Variants in DNAH6 observed in about 807,000 individuals in gnomAD.
DNAH6 encodes dynein axonemal heavy chain 6, also known as axonemal beta dynein heavy chain 6.
In DNAH6, 340 loss-of-function variants were observed where a neutral mutation model predicts 491.4. The ratio of observed to expected loss-of-function variants is 0.69; its 90% CI spans 0.63 to 0.76. DNAH6 has a LOEUF of 0.76. DNAH6 is among the 30% of genes least tolerant of loss of function. The pLI is 0.00. For synonymous variants in DNAH6, 1,603 were observed against 1,686.1 expected (o/e 0.95, Z 1.21); for missense variants, 4,443 against 4,972.2 (o/e 0.89, Z 3.20).
intron 33 of DNAH6, among the ~76,000 whole-genome samples, chr2:84,646,081 G>T (rs555912475): frequency 1.3e-5 from 2 of 152,248 alleles, no homozygotes; most frequent in South Asian, 4.1e-4. Flanking sequence ...AGTAGCTTGT[G>T]TTCACCATGT....
intron 17 of DNAH6, 76 bp from the exon 18 acceptor site, chr2:84,595,570 A>G (rs1684499373): frequency 1.5e-6 from 2 of 1,320,500 alleles, no homozygotes; most frequent in Admixed American, 2.9e-5. Flanking sequence ...AACTTTTAAA[A>G]GTTTTTTTAG....
chr2:84,527,310 G>A (rs1676694682), intron 3 of DNAH6, among the ~76,000 whole-genome samples: 1 of 152,016 alleles, frequency 6.6e-6, no homozygotes, highest in Non-Finnish European at 1.5e-5. Context: ...CTGAACCTAT[G>A]TTACTGCTGA....
At chr2:84,548,928 G>A (rs1679061988) in intron 8 of DNAH6, among the ~76,000 whole-genome samples, 1 of 152,328 alleles carries the variant, frequency 6.6e-6, no homozygotes. Context: ...CCTCAAGTGG[G>A]CCTGAAGGAC....
chr2:84,812,247 C>T (rs1345940346), intron 72 of DNAH6, 94 bp from the exon 73 acceptor site: 5 of 1,186,048 alleles, frequency 4.2e-6, no homozygotes, highest in Non-Finnish European at 5.9e-6. Context: ...ACTGGCGCCT[C>T]CAGGCAAGGC....
At position 84,704,158 on chromosome 2, in the gene DNAH6, ACGAG is replaced by A; in HGVS notation, c.8322_8325del (p.Asp2774GlufsTer6). ...GCTGATGATGCTCAAAGAGATCTTG[ACGAG>A]GCACTACCTGCACTAGATGCTGCCA... On this transcript the variant is annotated frameshift_variant, in exon 51 of 77. Transcript: ENST00000389394. LOFTEE classifies it high-confidence loss of function. 1 of 1,551,930 alleles carries A rather than the reference ACGAG, an allele frequency of 6.4e-7. No homozygotes were observed. Among genetic ancestry groups the A allele is most frequent in the Non-Finnish European group, 8.7e-7 (1 of 1,147,034 alleles).
At chr2:84,816,715 A>C (rs1680520717) in intron 76 of DNAH6, among the ~76,000 whole-genome samples, 1 of 152,020 alleles carries the variant, frequency 6.6e-6, no homozygotes, top group African/African-American at 2.4e-5. Context: ...AAGAGCGAAA[A>C]CTCCATCATA....
chr2:84,530,906 A>C (rs564281445), intron 4 of DNAH6, among the ~76,000 whole-genome samples: 2 of 152,278 alleles, frequency 1.3e-5, no homozygotes, highest in African/African-American at 4.8e-5. Flanking sequence ...TTCTCAGTTA[A>C]TTTAGAAAGC....
chr2:84,548,430 T>C lies in DNAH6; in HGVS notation c.1316+13T>C. ...TGAGGCTGACGTGGTAAGATTATTC[T>C]CATTTTCAAGAAAAATTGTAGTACC... On this transcript the variant is annotated intron_variant, in intron 8 of 76. Coordinates refer to ENST00000389394, the MANE Select transcript of DNAH6 (RefSeq NM_001370.2). The C allele has an allele frequency of 6.2e-7, 1 of 1,612,926 alleles. No homozygotes were observed. Among genetic ancestry groups the C allele is most frequent in the Non-Finnish European group, 8.5e-7 (1 of 1,179,738 alleles).
intron 35 of DNAH6, among the ~76,000 whole-genome samples, chr2:84,658,022 T>C (rs892697405): frequency 1.3e-5 from 2 of 152,014 alleles, no homozygotes; most frequent in African/African-American, 4.8e-5. Flanking sequence ...ATTGACAGCT[T>C]AAGAAATAAT....
rs78226439 is a variant in DNAH6, at chr2:84,812,777, C to A, written c.11925+251C>A. 1.4e-3 allele frequency among the ~76,000 whole-genome samples: 216 copies of A among 152,264 alleles called. 4 individuals carry two copies. The highest frequency in any genetic ancestry group is 0.012 in the East Asian group (60 of 5,178). Reference sequence around the variant, plus strand: ...GGGTTTCAGCTCTAATTCATGGGACCCCACAGTGAGGTATAGACCAACCAA... The same window carrying A: ...GGGTTTCAGCTCTAATTCATGGGACACCACAGTGAGGTATAGACCAACCAA... On this transcript the variant is annotated intron_variant, in intron 73 of 76. Transcript: ENST00000389394.
At chr2:84,617,559 C>G (rs1378585317) in intron 23 of DNAH6, among the ~76,000 whole-genome samples, 1 of 151,466 alleles carries the variant, frequency 6.6e-6, no homozygotes, top group African/African-American at 2.4e-5. Flanking sequence ...CACTACCCTT[C>G]CCAGCCTCTG....
chr2:84,750,646 A>C (rs375116234), intron 63 of DNAH6: 23 of 152,326 alleles, frequency 1.5e-4, no homozygotes, highest in African/African-American at 5.3e-4. Context: ...GTACTAAAAA[A>C]TGTTGAAGGT....
At chr2:84,749,041 A>G (rs2105063883) in intron 63 of DNAH6, among the ~76,000 whole-genome samples, 1 of 152,242 alleles carries the variant, frequency 6.6e-6, no homozygotes, top group Admixed American at 6.5e-5. Context: ...TAGAGTGAGA[A>G]CTCACTCATT....
intron 11 of DNAH6, among the ~76,000 whole-genome samples, chr2:84,564,589 C>G (rs1321314243): frequency 6.6e-6 from 1 of 152,080 alleles, no homozygotes; most frequent in Non-Finnish European, 1.5e-5. Context: ...GGCCTTTTGG[C>G]AGAGTCTTTA....
At position 84,687,773 on chromosome 2, in the gene DNAH6, T is replaced by G. The variant is rs188273811; in HGVS notation, c.7138-666T>G. On this transcript the variant is annotated intron_variant, in intron 44 of 76. Transcript: ENST00000389394. ...CAATAGATTAAAACAAGGACTCGAC[T>G]CCCTACACTTCACACCTGAATTTCA... 1.6e-3 allele frequency among the ~76,000 whole-genome samples: 240 copies of G among 152,296 alleles called. 2 individuals are homozygous for G. The highest frequency in any genetic ancestry group is 5.4e-3 in the African/African-American group (224 of 41,556).
At chr2:84,551,824 G>C (rs1251616394) in intron 9 of DNAH6, among the ~76,000 whole-genome samples, 1 of 152,186 alleles carries the variant, frequency 6.6e-6, no homozygotes, top group Non-Finnish European at 1.5e-5. Flanking sequence ...AAGGCGGGTG[G>C]ATCACCTGAG....
chr2:84,463,333 A>C, the DNAH6 span, among the ~76,000 whole-genome samples: 19 of 152,138 alleles, frequency 1.2e-4, no homozygotes, highest in Non-Finnish European at 2.1e-4. Flanking sequence ...GGGAGGGAGG[A>C]GCTTTAAATT....
At chr2:84,632,780 T>A (rs1688525472) in intron 29 of DNAH6, among the ~76,000 whole-genome samples, 1 of 152,202 alleles carries the variant, frequency 6.6e-6, no homozygotes, top group Non-Finnish European at 1.5e-5. Context: ...ATCCCTTTTT[T>A]TAGAGTATCT....
the DNAH6 span, among the ~76,000 whole-genome samples, chr2:84,481,146 C>T: frequency 6.6e-6 from 1 of 152,070 alleles, no homozygotes; most frequent in African/African-American, 2.4e-5. Flanking sequence ...GTGGGTTGGG[C>T]AGCAGTGGGC....
Sources: allele counts gnomAD v4.1 joint callset (sites outside exome capture counted in the v4.1 genomes callset), GRCh38; gene constraint gnomAD v4.1.1; transcripts MANE v1.5; gene names NCBI Gene and HGNC (gene_info 2026-07-23, HGNC 2026-07-21).